RBMS2: variants seen among roughly 807,000 people sequenced by gnomAD.
RBMS2 encodes RNA binding motif single stranded interacting protein 2, also known as RNA-binding motif, single-stranded-interacting protein 2.
A neutral mutation model predicts 58.4 loss-of-function variants in RBMS2; 38 were observed. The ratio of observed to expected loss-of-function variants is 0.65; its 90% CI spans 0.50 to 0.85. The LOEUF is 0.85. Ranked by LOEUF, RBMS2 falls within the 40% of genes least tolerant of loss-of-function variation. The pLI, the probability that RBMS2 is intolerant of heterozygous loss-of-function variation, is 0.00. For synonymous variants in RBMS2, 151 were observed against 180.7 expected (o/e 0.84, Z 1.32); for missense variants, 367 against 503.7 (o/e 0.73, Z 2.60).
intron 5 of RBMS2, among the ~76,000 whole-genome samples, chr12:56,573,774 G>A (rs1357517330): frequency 2.0e-5 from 3 of 147,564 alleles, no homozygotes; most frequent in Non-Finnish European, 4.5e-5. Context: ...TTTTTGAGAC[G>A]GAGTCTCGCT....
intron 1 of RBMS2, among the ~76,000 whole-genome samples, chr12:56,549,650 A>G (rs1036823234): frequency 6.6e-6 from 1 of 152,108 alleles, no homozygotes; most frequent in Admixed American, 6.6e-5. Flanking sequence ...TGGGGAAGGG[A>G]AGGATAGGAC....
intron 1 of RBMS2, among the ~76,000 whole-genome samples, chr12:56,561,961 C>T (rs1880511935): frequency 6.6e-6 from 1 of 152,108 alleles, no homozygotes; most frequent in Non-Finnish European, 1.5e-5. Flanking sequence ...GCGCCCACCA[C>T]CATGCCCAAC....
At chr12:56,549,325 T>A (rs1441588638) in intron 1 of RBMS2, among the ~76,000 whole-genome samples, 1 of 152,022 alleles carries the variant, frequency 6.6e-6, no homozygotes, top group African/African-American at 2.4e-5. Flanking sequence ...GACAATGTTT[T>A]ACTTATACTA....
At chr12:56,563,155 T>C (rs1880743842) in intron 2 of RBMS2, among the ~76,000 whole-genome samples, 1 of 152,140 alleles carries the variant, frequency 6.6e-6, no homozygotes, top group Admixed American at 6.6e-5. Flanking sequence ...ATCTACCTGC[T>C]ACTGATATAT....
At chr12:56,569,600 G>A (rs4237804) in intron 3 of RBMS2, among the ~76,000 whole-genome samples, 148,064 of 152,084 alleles carry the variant, frequency 0.97, 72,121 homozygotes, top group East Asian at 1. Context: ...TTTTAGAGGT[G>A]TAGGGGGGCT....
intron 12 of RBMS2, 40 bp downstream of exon 12, chr12:56,588,414 A>C: frequency 6.5e-7 from 1 of 1,548,218 alleles, no homozygotes; most frequent in Non-Finnish European, 8.9e-7. Flanking sequence ...GATTAGGAAA[A>C]TGAACGGAGG....
At chr12:56,568,530 C>CT (rs1167815395) in intron 2 of RBMS2, among the ~76,000 whole-genome samples, 4 of 144,882 alleles carry the variant, frequency 2.8e-5, no homozygotes, top group Admixed American at 1.4e-4. Context: ...TAACCCATTT[C>CT]TTTTTTTTCT....
chr12:56,589,644 G>C lies in RBMS2; in HGVS notation c.*511G>C. 6.2e-6 allele frequency: 1 copy of C among 161,304 alleles called. No homozygotes were observed. The highest frequency in any genetic ancestry group is 1.4e-5 in the Non-Finnish European group (1 of 73,706). The allele number at this position is 161,304 out of a possible 1,614,324, so 10.0% of individuals were successfully genotyped here. On this transcript the variant is annotated 3_prime_UTR_variant, in exon 14 of 14. Coordinates refer to ENST00000262031, the MANE Select transcript of RBMS2 (RefSeq NM_002898.4). ...AGTTATGGACTTTTTTGATGCATGT[G>C]TGTATGTGTTTTAAAAAGTATGCAG...
chr12:56,558,770 AT>A (rs71081380), intron 1 of RBMS2, among the ~76,000 whole-genome samples: 107,344 of 149,310 alleles, frequency 0.72, 40,641 homozygotes, highest in East Asian at 0.84. Flanking sequence ...TAATTTTTGC[AT>A]TTTTTTTTTA....
At chr12:56,584,331 GC>G (rs1884370474) in intron 9 of RBMS2, among the ~76,000 whole-genome samples, 2 of 151,838 alleles carry the variant, frequency 1.3e-5, no homozygotes, top group East Asian at 3.9e-4. Context: ...AACTCAGGAG[GC>G]TGAGGTGGGA....
chr12:56,552,505 C>T (rs994350609), intron 1 of RBMS2, among the ~76,000 whole-genome samples: 9 of 152,088 alleles, frequency 5.9e-5, no homozygotes, highest in African/African-American at 2.2e-4. Context: ...GAGTGAGCAG[C>T]CACACGTAAA....
intron 9 of RBMS2, among the ~76,000 whole-genome samples, chr12:56,585,257 G>C (rs1884532084): frequency 6.6e-6 from 1 of 152,224 alleles, no homozygotes; most frequent in African/African-American, 2.4e-5. Flanking sequence ...CATAAGATAG[G>C]AGTCTGTTTT....
chr12:56,587,998 A>G (rs1002753916), intron 11 of RBMS2, among the ~76,000 whole-genome samples: 2 of 152,198 alleles, frequency 1.3e-5, no homozygotes, highest in African/African-American at 4.8e-5. Flanking sequence ...GGTTTCTTTT[A>G]GGCCTACTGC....
intron 2 of RBMS2, 32 bp downstream of exon 2, chr12:56,562,615 G>T: frequency 1.3e-6 from 2 of 1,597,666 alleles, no homozygotes; most frequent in Non-Finnish European, 1.7e-6. Flanking sequence ...TAGGCTTCCA[G>T]GGACAGTATA....
chr12:56,556,417 CCAGGCTGGAGTG>C (rs1879245519), intron 1 of RBMS2, among the ~76,000 whole-genome samples: 1 of 150,492 alleles, frequency 6.6e-6, no homozygotes, highest in Admixed American at 6.6e-5. Flanking sequence ...ACTCTGTCAC[CCAGGCTGGAGTG>C]CAGTGGCGCG....
chr12:56,520,958 C>T (rs1871661506), upstream of RBMS2, among the ~76,000 whole-genome samples: 2 of 152,176 alleles, frequency 1.3e-5, no homozygotes, highest in Non-Finnish European at 2.9e-5. Context: ...CTGATAATTC[C>T]TTCTTAAGTA....
Position 56,587,582 on chromosome 12 carries a change from A to G in RBMS2, c.980A>G (p.His327Arg), listed in dbSNP as rs1329900644. Residue 327 changes from histidine to arginine, a missense_variant, in exon 11 of 14, where the codon CAT becomes CGT. By Grantham distance (29) the His-to-Arg change is conservative (BLOSUM62 0). Around this residue, in one of 3 missense-constraint regions of RBMS2, gnomAD observed 220 missense variants for 261.1 expected, o/e 0.84. Coordinates refer to ENST00000262031, the MANE Select transcript of RBMS2 (RefSeq NM_002898.4). ...TCAGTTCTGACACCAGGGATGGACC[A>G]TCCCATTTCTCTCCAGCCTGCCTCC... ...SGSVLTPGMD[H>R]PISLQPASMM... The G allele has an allele frequency of 1.9e-6, 3 of 1,614,022 alleles. No individual in the cohort carries two copies.
At chr12:56,540,343 A>G (rs1875841643) in intron 1 of RBMS2, among the ~76,000 whole-genome samples, 1 of 152,076 alleles carries the variant, frequency 6.6e-6, no homozygotes, top group Admixed American at 6.6e-5. Flanking sequence ...GTATGTATTT[A>G]TGTATTTATT....
intron 10 of RBMS2, 134 bp downstream of exon 10, chr12:56,587,060 G>A (rs1437237528): frequency 1.1e-6 from 1 of 877,724 alleles, no homozygotes; most frequent in African/African-American, 1.7e-5. Flanking sequence ...GAGGTCAGGA[G>A]TTCGAGACCA....
Sources: allele counts gnomAD v4.1 joint callset (sites outside exome capture counted in the v4.1 genomes callset), GRCh38; gene constraint gnomAD v4.1.1; regional missense constraint gnomAD v4.1.1; transcripts MANE v1.5; gene names NCBI Gene and HGNC (gene_info 2026-07-23, HGNC 2026-07-21).